PAPPA: variants seen among roughly 807,000 people sequenced by gnomAD.
The protein encoded by PAPPA is pappalysin-1.
PAPPA carries 60 observed loss-of-function variants against 164.0 expected under a neutral mutation model. The observed-to-expected ratio is 0.37, with a 90% CI of 0.30 to 0.45. The LOEUF (loss-of-function observed/expected upper bound fraction) is 0.45, where lower values mean the gene tolerates loss of function less well. PAPPA is among the 20% of genes least tolerant of loss of function. The pLI, the probability that PAPPA is intolerant of heterozygous loss-of-function variation, is 1.00. For missense variants in PAPPA, 1,782 were observed against 2,087.3 expected, an observed-to-expected ratio of 0.85 and a Z score of 2.85; for synonymous variants, 875 against 814.1, an observed-to-expected ratio of 1.07 and a Z score of -1.27.
intron 2 of PAPPA, among the ~76,000 whole-genome samples, chr9:116,193,230 A>C (rs1277268454): frequency 6.6e-6 from 1 of 151,898 alleles, no homozygotes; most frequent in Non-Finnish European, 1.5e-5. Context: ...TGGAAGTCTC[A>C]CAAAAGGGGC....
chr9:116,272,921 G>T (rs1286728618), intron 9 of PAPPA, among the ~76,000 whole-genome samples: 1 of 152,172 alleles, frequency 6.6e-6, no homozygotes, highest in African/African-American at 2.4e-5. Flanking sequence ...ATTGGGTTAA[G>T]TGGTCCTAAC....
chr9:116,291,503 A>C (rs970972448), intron 9 of PAPPA, among the ~76,000 whole-genome samples: 1 of 152,158 alleles, frequency 6.6e-6, no homozygotes, highest in African/African-American at 2.4e-5. Flanking sequence ...CATCTTCAGA[A>C]TCATTGATAA....
Position 116,154,675 on chromosome 9 carries a change from G to A in PAPPA, c.415+88G>A. 1 of 1,239,984 alleles carries A rather than the reference G, an allele frequency of 8.1e-7. No individual in the cohort carries two copies. The highest frequency in any genetic ancestry group is 1.0e-6 in the Non-Finnish European group (1 of 989,782). 76.8% of individuals were successfully genotyped at this position (1,239,984 alleles called of 1,614,324 possible). A position where few individuals can be genotyped will look rare whatever the true frequency, so the allele number is the denominator to read the frequency against. On this transcript the variant is annotated intron_variant, in intron 1 of 21. Transcript: ENST00000328252. This position sits in a 1 kb window ranked among gnomAD's most constrained non-coding sequence, Gnocchi z 5.2. ...CTGGGCGCGGGTGGCGGGCGGGTCG[G>A]GGGCTTGCGGGCGTGTCTGTGCGAG...
intron 20 of PAPPA, among the ~76,000 whole-genome samples, chr9:116,382,027 GAGA>G (rs957056693): frequency 6.6e-6 from 1 of 152,132 alleles, no homozygotes; most frequent in Non-Finnish European, 1.5e-5. Flanking sequence ...AAAAAAGTGG[GAGA>G]AGGAGGCTTA....
intron 5 of PAPPA, among the ~76,000 whole-genome samples, chr9:116,226,777 C>T (rs553260001): frequency 1.2e-4 from 18 of 152,184 alleles, no homozygotes; most frequent in Non-Finnish European, 2.6e-4. Context: ...CATAATATTC[C>T]ACTTCTGGGA....
intron 20 of PAPPA, among the ~76,000 whole-genome samples, chr9:116,379,999 T>C (rs947167273): frequency 1.3e-5 from 2 of 152,214 alleles, no homozygotes; most frequent in Non-Finnish European, 2.9e-5. Context: ...CTACTCATCT[T>C]TATGATCTCA....
At chr9:116,213,912 G>A (rs1358324206) in intron 4 of PAPPA, among the ~76,000 whole-genome samples, 1 of 152,188 alleles carries the variant, frequency 6.6e-6, no homozygotes, top group Non-Finnish European at 1.5e-5. Flanking sequence ...ACAGGACTGG[G>A]TTCTCAGGGC....
intron 9 of PAPPA, among the ~76,000 whole-genome samples, chr9:116,285,174 T>TTTTC (rs1554747952): frequency 7.4e-6 from 1 of 135,308 alleles, no homozygotes; most frequent in African/African-American, 2.7e-5. Flanking sequence ...TTTCTTTCTT[T>TTTTC]TTTTTTTTTT....
chr9:116,362,483 C>G, intron 17 of PAPPA, 109 bp from the exon 18 acceptor site: 1 of 1,216,328 alleles, frequency 8.2e-7, no homozygotes. Flanking sequence ...TTTTGGAACA[C>G]TTCAGAGCTC....
At chr9:116,318,267 CTA>C (rs1339456460) in intron 10 of PAPPA, 6 of 152,284 alleles carry the variant, frequency 3.9e-5, no homozygotes, top group African/African-American at 1.4e-4. Context: ...CCACATTTCT[CTA>C]TGAGTGTTTG....
chr9:116,157,556 G>A (rs1475859812), intron 1 of PAPPA, among the ~76,000 whole-genome samples: 2 of 152,114 alleles, frequency 1.3e-5, no homozygotes, highest in Non-Finnish European at 2.9e-5. Context: ...GGTTACCCAA[G>A]CCAGTTTCCC....
At position 116,382,512 on chromosome 9, in the gene PAPPA, C is replaced by G; in HGVS notation, c.4776+19C>G. On this transcript the variant is annotated intron_variant, in intron 21 of 21. Coordinates refer to ENST00000328252, the MANE Select transcript of PAPPA (RefSeq NM_002581.5). Reference sequence around the variant, plus strand: ...CAAAAAGGTAGGCCAGTGTGCACTCCTCGGCAGCTGCCTCCTGCCCACTTC... The same window carrying G: ...CAAAAAGGTAGGCCAGTGTGCACTCGTCGGCAGCTGCCTCCTGCCCACTTC... The G allele has an allele frequency of 6.7e-7, 1 of 1,486,074 alleles. No individual in the cohort carries two copies. 92.1% of individuals were successfully genotyped at this position (1,486,074 alleles called of 1,614,324 possible).
Position 116,159,409 on chromosome 9 carries a change from T to G in PAPPA, c.415+4822T>G, listed in dbSNP as rs719398. Among the ~76,000 whole-genome samples the G allele has an allele frequency of 6.3e-3, 961 of 152,306 alleles. 36 individuals carry two copies. The East Asian group carries it at 0.11, about 17-fold the overall frequency. ...TGTAAGGCTTCCCCTCTTGAGTTGC[T>G]GGGGAGTCTCTCTAGAGTAGATAAT... On this transcript the variant is annotated intron_variant, in intron 1 of 21. Transcript: ENST00000328252.
intron 1 of PAPPA, among the ~76,000 whole-genome samples, chr9:116,157,868 A>G (rs1206738722): frequency 6.6e-6 from 1 of 152,164 alleles, no homozygotes; most frequent in Admixed American, 6.5e-5. Context: ...AGGAGGAACC[A>G]GACCCCTGTT....
At chr9:116,204,219 T>C (rs1844205000) in intron 2 of PAPPA, among the ~76,000 whole-genome samples, 1 of 152,180 alleles carries the variant, frequency 6.6e-6, no homozygotes, top group Non-Finnish European at 1.5e-5. Flanking sequence ...TGTCCAATTC[T>C]GAGTAGCAAA....
At chr9:116,168,001 G>A (rs190683784) in intron 1 of PAPPA, among the ~76,000 whole-genome samples, 1 of 152,158 alleles carries the variant, frequency 6.6e-6, no homozygotes, top group Non-Finnish European at 1.5e-5. Context: ...CTAAAATTTA[G>A]ATCTGTTGAC....
At chr9:116,261,252 AAC>A (rs1473153192) in intron 7 of PAPPA, among the ~76,000 whole-genome samples, 1 of 152,230 alleles carries the variant, frequency 6.6e-6, no homozygotes, top group Non-Finnish European at 1.5e-5. Flanking sequence ...AAAGAAATAT[AAC>A]ACAGTTTAGT....
chr9:116,230,544 A>G (rs925063018), intron 6 of PAPPA, among the ~76,000 whole-genome samples: 3 of 152,214 alleles, frequency 2.0e-5, no homozygotes, highest in African/African-American at 7.2e-5. Flanking sequence ...TGAAAAGTTG[A>G]AATATAATAT....
At chr9:116,225,316 T>G (rs1040035895) in intron 5 of PAPPA, among the ~76,000 whole-genome samples, 5 of 152,210 alleles carry the variant, frequency 3.3e-5, no homozygotes, top group Admixed American at 6.5e-5. Flanking sequence ...CTTTTCTGCA[T>G]TTGAGTATAT....
Sources: allele counts gnomAD v4.1 joint callset (sites outside exome capture counted in the v4.1 genomes callset), GRCh38; gene constraint gnomAD v4.1.1; non-coding constraint Gnocchi (gnomAD v3.1); transcripts MANE v1.5; gene names NCBI Gene and HGNC (gene_info 2026-07-23, HGNC 2026-07-21).